GPR39: variants seen among roughly 807,000 people sequenced by gnomAD.
GPR39 encodes the protein zinc sensing receptor.
A neutral mutation model predicts 18.4 loss-of-function variants in GPR39; 23 were observed. The ratio of observed to expected loss-of-function variants is 1.25; its 90% CI spans 0.90 to 1.77. The LOEUF (loss-of-function observed/expected upper bound fraction) is 1.77. Among genes scored for constraint, GPR39 ranks in the 40% most tolerant of loss-of-function variants. GPR39 has a pLI of 0.00. For missense variants in GPR39, 647 were observed against 602.4 expected, an observed-to-expected ratio of 1.07 and a Z score of -0.78; for synonymous variants, 280 against 257.9, an observed-to-expected ratio of 1.09 and a Z score of -0.82.
chr2:132,577,469 T>C (rs1031733475), intron 1 of GPR39, among the ~76,000 whole-genome samples: 4 of 152,202 alleles, frequency 2.6e-5, no homozygotes, highest in African/African-American at 7.2e-5. Flanking sequence ...TAAATCTGTA[T>C]ATCAATTTGA....
At chr2:132,587,286 T>C (rs1012333078) in intron 1 of GPR39, among the ~76,000 whole-genome samples, 1 of 152,226 alleles carries the variant, frequency 6.6e-6, no homozygotes, top group East Asian at 1.9e-4. Flanking sequence ...ACCAAGGTTC[T>C]ACAGCACATT....
intron 1 of GPR39, among the ~76,000 whole-genome samples, chr2:132,512,542 C>G (rs1166266086): frequency 5.9e-5 from 9 of 152,178 alleles, no homozygotes; most frequent in African/African-American, 2.2e-4. Context: ...GTTTCAGAAT[C>G]AGGTTGGAAT....
chr2:132,637,242 T>C (rs1175625603), intron 1 of GPR39, among the ~76,000 whole-genome samples: 2 of 152,192 alleles, frequency 1.3e-5, no homozygotes, highest in African/African-American at 4.8e-5. Flanking sequence ...TTTAGAAATA[T>C]GTGTTTGTTA....
At chr2:132,536,158 A>C (rs1463796860) in intron 1 of GPR39, among the ~76,000 whole-genome samples, 1 of 151,854 alleles carries the variant, frequency 6.6e-6, no homozygotes, top group Non-Finnish European at 1.5e-5. Context: ...TTTAATTGTG[A>C]TGTTAGGGTG....
intron 1 of GPR39, among the ~76,000 whole-genome samples, chr2:132,542,692 T>C (rs553559275): frequency 9.4e-5 from 10 of 106,340 alleles, no homozygotes; most frequent in African/African-American, 4.4e-4. Flanking sequence ...TAGCCATTGT[T>C]CTCTATAATA....
chr2:132,426,893 C>T (rs1280698274), intron 1 of GPR39, among the ~76,000 whole-genome samples: 2 of 151,900 alleles, frequency 1.3e-5, no homozygotes, highest in Admixed American at 6.6e-5. Flanking sequence ...ATGAAACTAA[C>T]GGCATGCAGA....
At chr2:132,586,223 C>T (rs1165959909) in intron 1 of GPR39, among the ~76,000 whole-genome samples, 1 of 151,978 alleles carries the variant, frequency 6.6e-6, no homozygotes. Flanking sequence ...GAGAGGGGAG[C>T]AACAAAAAGC....
intron 1 of GPR39, among the ~76,000 whole-genome samples, chr2:132,616,046 G>A (rs1160754764): frequency 1.3e-5 from 2 of 151,040 alleles, no homozygotes; most frequent in African/African-American, 4.9e-5. Flanking sequence ...CCTCCCTCCT[G>A]CAAACCTTCC....
intron 1 of GPR39, among the ~76,000 whole-genome samples, chr2:132,623,391 G>T (rs1278162691): frequency 6.6e-6 from 1 of 152,216 alleles, no homozygotes; most frequent in Non-Finnish European, 1.5e-5. Context: ...GGCCAGGGGC[G>T]CCTGAAGGGA....
At chr2:132,587,117 G>C (rs977007771) in intron 1 of GPR39, among the ~76,000 whole-genome samples, 2 of 152,192 alleles carry the variant, frequency 1.3e-5, no homozygotes, top group African/African-American at 4.8e-5. Context: ...GAAAAGCTTT[G>C]GTTCCAGAGA....
intron 1 of GPR39, among the ~76,000 whole-genome samples, chr2:132,606,922 C>T (rs189485623): frequency 6.6e-6 from 1 of 152,242 alleles, no homozygotes; most frequent in African/African-American, 2.4e-5. Flanking sequence ...GAAGTAGGCT[C>T]CAAAAGCAGA....
chr2:132,423,769 T>A (rs1187368991), intron 1 of GPR39, among the ~76,000 whole-genome samples: 1 of 152,240 alleles, frequency 6.6e-6, no homozygotes, highest in African/African-American at 2.4e-5. Context: ...ATTACTCGAC[T>A]GATGTCTGTC....
At chr2:132,630,069 A>G (rs1410450541) in intron 1 of GPR39, among the ~76,000 whole-genome samples, 1 of 152,190 alleles carries the variant, frequency 6.6e-6, no homozygotes, top group Non-Finnish European at 1.5e-5. Context: ...TTGTTCATCT[A>G]CCATGAACCA....
chr2:132,542,191 T>C (rs1228844250), intron 1 of GPR39, among the ~76,000 whole-genome samples: 1 of 152,110 alleles, frequency 6.6e-6, no homozygotes, highest in African/African-American at 2.4e-5. Context: ...AAACAATACA[T>C]GCAAAGCACC....
At chr2:132,509,152 C>T (rs1208936522) in intron 1 of GPR39, among the ~76,000 whole-genome samples, 1 of 152,154 alleles carries the variant, frequency 6.6e-6, no homozygotes, top group African/African-American at 2.4e-5. Flanking sequence ...TCCCTCTCAC[C>T]TGCAGGCCTT....
chr2:132,600,888 C>G (rs1681031717), intron 1 of GPR39, among the ~76,000 whole-genome samples: 1 of 152,074 alleles, frequency 6.6e-6, no homozygotes, highest in Non-Finnish European at 1.5e-5. Flanking sequence ...GTGTACCTGT[C>G]ATCTGAATAC....
intron 1 of GPR39, among the ~76,000 whole-genome samples, chr2:132,492,847 CACCATATATAT>C (rs1328523000): frequency 3.0e-4 from 41 of 137,856 alleles, no homozygotes; most frequent in African/African-American, 8.3e-4. Context: ...ACCATATATA[CACCATATATAT>C]ACCATATATG....
intron 1 of GPR39, among the ~76,000 whole-genome samples, chr2:132,612,182 T>C (rs1681249690): frequency 6.6e-6 from 1 of 152,206 alleles, no homozygotes; most frequent in Non-Finnish European, 1.5e-5. Context: ...CTTTTCACCT[T>C]GCTCAGCCTT....
chr2:132,438,224 A>G (rs1680366560), intron 1 of GPR39, among the ~76,000 whole-genome samples: 1 of 152,228 alleles, frequency 6.6e-6, no homozygotes, highest in Non-Finnish European at 1.5e-5. Context: ...AACCATGCTT[A>G]TATATAATTA....
Sources: allele counts gnomAD v4.1 joint callset (sites outside exome capture counted in the v4.1 genomes callset), GRCh38; gene constraint gnomAD v4.1.1; transcripts MANE v1.5; gene names NCBI Gene and HGNC (gene_info 2026-07-23, HGNC 2026-07-21).